MAPK8IP3: variants seen among roughly 807,000 people sequenced by gnomAD.
MAPK8IP3 encodes the protein C-Jun-amino-terminal kinase-interacting protein 3.
Under a neutral mutation model 157.8 loss-of-function variants are expected in MAPK8IP3, and 49 were observed. That is an observed-to-expected ratio of 0.31 (90% CI 0.25 to 0.39). MAPK8IP3 has a LOEUF of 0.39. Ranked by LOEUF, MAPK8IP3 falls within the 10% of genes least tolerant of loss-of-function variation. The pLI, the probability that MAPK8IP3 is intolerant of heterozygous loss-of-function variation, is 1.00. For synonymous variants in MAPK8IP3, 897 were observed against 777.7 expected (o/e 1.15, Z -2.55); for missense variants, 1,478 against 1,889.4 (o/e 0.78, Z 4.04).
Position 1,724,472 on chromosome 16 carries a change from C to T in MAPK8IP3, c.319-85C>T. On this transcript the variant is annotated intron_variant, in intron 1 of 31. Transcript: ENST00000610761. The surrounding 1 kb of genome is among the most constrained non-coding windows in gnomAD (Gnocchi z 4.1). Reference sequence around the variant, plus strand: ...TGGGGACATCTTTGGCCCCTGGGCCCTCAAAGCCTGCGGCCCTTCAAGTGA... The same window carrying T: ...TGGGGACATCTTTGGCCCCTGGGCCTTCAAAGCCTGCGGCCCTTCAAGTGA... The T allele has an allele frequency of 1.9e-6, 3 of 1,539,470 alleles. No homozygotes were observed. The South Asian group carries it at 3.5e-5, about 18-fold the overall frequency.
intron 2 of MAPK8IP3, among the ~76,000 whole-genome samples, chr16:1,727,394 A>G (rs1029278273): frequency 6.6e-6 from 1 of 151,728 alleles, no homozygotes; most frequent in African/African-American, 2.4e-5. Context: ...TGTGTTAGTC[A>G]CATTTGCTGC....
At chr16:1,729,037 C>A (rs1383424679) in intron 2 of MAPK8IP3, 101 bp from the exon 3 acceptor site, 33 of 1,173,712 alleles carry the variant, frequency 2.8e-5, no homozygotes, top group Non-Finnish European at 3.9e-5. Flanking sequence ...CCCAGAGTCC[C>A]AGCCTTGTCC....
chr16:1,729,599 T>A, intron 4 of MAPK8IP3, 21 bp downstream of exon 4: 1 of 1,563,070 alleles, frequency 6.4e-7, no homozygotes, highest in Non-Finnish European at 8.7e-7. Context: ...CGCGGCGGGG[T>A]GGAGGTACGC....
rs753574457 is a variant in MAPK8IP3, at chr16:1,766,341, C to T, written c.2751C>T (p.Pro917=). 8 of 1,612,670 alleles carry T rather than the reference C, an allele frequency of 5.0e-6. No homozygotes were observed. Among genetic ancestry groups the T allele is most frequent in the South Asian group, 1.1e-5 (1 of 91,086 alleles). Residue 917 remains proline, a synonymous_variant, in exon 22 of 32, where the codon CCC becomes CCT. Coordinates refer to ENST00000610761, the MANE Select transcript of MAPK8IP3 (RefSeq NM_001318852.2). ...AGCCAGAGACAGCCACATTGCGGCC[C>T]GGGCCTCTCACAGAGCACGTCTTCA... is the stretch of plus-strand genomic sequence containing the variant. The part of the protein sequence containing the change: ...PSEPETATLR[P]GPLTEHVFTD...
intron 8 of MAPK8IP3, among the ~76,000 whole-genome samples, chr16:1,753,535 G>A (rs1174546641): frequency 3.3e-5 from 5 of 151,918 alleles, no homozygotes; most frequent in Non-Finnish European, 5.9e-5. Context: ...CCGCCTCCTG[G>A]GTTCACGCCA....
rs572782898 is a variant in MAPK8IP3 at position 1,738,768 on chromosome 16, C to T, written c.603-4564C>T. ...ATCTGTGACCGTCCGTGTGAGCGTC[C>T]GTGTGAGCGTGTGAGCGTCCGTGTG... On this transcript the variant is annotated intron_variant, in intron 4 of 31. Coordinates refer to ENST00000610761, the MANE Select transcript of MAPK8IP3 (RefSeq NM_001318852.2). Among the ~76,000 whole-genome samples the T allele has an allele frequency of 2.5e-3, 260 of 105,154 alleles. 1 individual carries two copies. The highest frequency in any genetic ancestry group is 8.9e-3 in the Middle Eastern group (1 of 112). The allele number at this position is 105,154 out of a possible 152,430, so 69.0% of individuals were successfully genotyped here.
intron 1 of MAPK8IP3, among the ~76,000 whole-genome samples, chr16:1,717,087 G>T (rs1219135940): frequency 6.6e-6 from 1 of 151,506 alleles, no homozygotes. Flanking sequence ...AATTAGCCAG[G>T]TGTGGTGGTG....
chr16:1,738,802 CA>C (rs1199905422), intron 4 of MAPK8IP3, among the ~76,000 whole-genome samples: 2 of 124,678 alleles, frequency 1.6e-5, no homozygotes, highest in Admixed American at 8.7e-5. Context: ...TGAGTGTGAC[CA>C]CCCATGTGAG....
chr16:1,758,271 T>G, intron 9 of MAPK8IP3, 112 bp downstream of exon 9: 1 of 1,264,278 alleles, frequency 7.9e-7, no homozygotes, highest in South Asian at 1.3e-5. Flanking sequence ...GCCCCCCACG[T>G]CGCCGCAGCG....
At chr16:1,744,761 ACCT>A in intron 5 of MAPK8IP3, 7 of 985,250 alleles carry the variant, frequency 7.1e-6, no homozygotes, top group Non-Finnish European at 8.4e-6. Flanking sequence ...CTTTCCTTTC[ACCT>A]CCTGCGTTGT....
Position 1,762,863 on chromosome 16 carries a change from C to T in MAPK8IP3, c.1755C>T (p.Ser585=). ...TCAGCCGCCTCTTCAGCTCTTCCTC[C>T]AGCCCCCCTCCGGCCAAGCGCCCCT... ...QFFSRLFSSS[S]SPPPAKRPYP... is the part of the protein sequence containing the mutation. The change falls in exon 16 of 32, where the codon TCC becomes TCT. Residue 585 remains serine, a synonymous_variant. Transcript: ENST00000610761. 1 of 1,613,144 alleles carries T rather than the reference C, an allele frequency of 6.2e-7. No homozygotes were observed. Among genetic ancestry groups the T allele is most frequent in the Non-Finnish European group, 8.5e-7 (1 of 1,179,858 alleles).
At chr16:1,763,840 A>C in intron 17 of MAPK8IP3, 57 bp downstream of exon 17, 4 of 93,326 alleles carry the variant, frequency 4.3e-5, no homozygotes, top group South Asian at 1.6e-4. Context: ...GGCGGGGGTA[A>C]GGGGCGGGGC....
intron 4 of MAPK8IP3, among the ~76,000 whole-genome samples, chr16:1,735,995 C>G (rs532014033): frequency 2.4e-5 from 3 of 126,376 alleles, no homozygotes; most frequent in South Asian, 3.0e-4. Context: ...TGTGAGCATC[C>G]GTGTGACCGT....
intron 4 of MAPK8IP3, among the ~76,000 whole-genome samples, chr16:1,738,192 G>A (rs2040204469): frequency 9.8e-6 from 1 of 102,546 alleles, no homozygotes. Context: ...GTCCGTGAGC[G>A]TGTGACCGTC....
Position 1,743,443 on chromosome 16 carries a change from C to T in MAPK8IP3, c.714C>T (p.Asp238=). Residue 238 remains aspartate, a synonymous_variant, in exon 5 of 32, where the codon GAC becomes GAT. Transcript: ENST00000610761. This position sits in a 1 kb window ranked among gnomAD's most constrained non-coding sequence, Gnocchi z 5.6. ...CGGGGGACCACTGGCACCTGAGTGA[C>T]CTCGGCCAGCTGCAGTCCAGCTCCA... The part of the protein sequence containing the change: ...VPAGDHWHLS[D]LGQLQSSSSY... 1.2e-6 allele frequency: 2 copies of T among 1,610,276 alleles called. No individual in the cohort carries two copies. The highest frequency in any genetic ancestry group is 2.2e-5 in the South Asian group (2 of 90,686).
chr16:1,743,666 T>C lies in MAPK8IP3; in HGVS notation c.747+190T>C. The C allele has an allele frequency of 7.1e-7, 1 of 1,418,436 alleles. No homozygotes were observed. The highest frequency in any genetic ancestry group is 9.1e-7 in the Non-Finnish European group (1 of 1,094,922). 87.9% of individuals were successfully genotyped at this position (1,418,436 alleles called of 1,614,324 possible). ...GGCTCAGGCTGCCCAGCAGGCCCTG[T>C]GTGGCTGTGGCTGTTCCACGCGGCC... On this transcript the variant is annotated intron_variant, in intron 5 of 31. Transcript: ENST00000610761. This position sits in a 1 kb window ranked among gnomAD's most constrained non-coding sequence, Gnocchi z 5.6.
chr16:1,750,512 C>G (rs1049497055), intron 8 of MAPK8IP3, among the ~76,000 whole-genome samples: 1 of 151,580 alleles, frequency 6.6e-6, no homozygotes. Flanking sequence ...CATGCCCGGC[C>G]GATAATGTAT....
rs547626668 is a variant in MAPK8IP3 at position 1,768,915 on chromosome 16, G to C, written c.*91G>C. The stretch of plus-strand genomic sequence containing the variant: ...GCGGGGTAGCCAGCCAGGCGCCGCC[G>C]CCCCTCTTCTAACCTCTCAACCTGC... On this transcript the variant is annotated 3_prime_UTR_variant, in exon 32 of 32. Coordinates refer to ENST00000610761, the MANE Select transcript of MAPK8IP3 (RefSeq NM_001318852.2). 2.7e-6 allele frequency: 4 copies of C among 1,464,938 alleles called. No homozygotes were observed. In the East Asian group the frequency reaches 9.4e-5, roughly 34 times the overall value. 90.7% of individuals were successfully genotyped at this position (1,464,938 alleles called of 1,614,324 possible).
chr16:1,769,195 C>A lies in MAPK8IP3; in HGVS notation c.*371C>A. On this transcript the variant is annotated 3_prime_UTR_variant, in exon 32 of 32. Coordinates refer to ENST00000610761, the MANE Select transcript of MAPK8IP3 (RefSeq NM_001318852.2). ...CCAGCACCCCTGGAGGAGGCAGGGG[C>A]TCCCCGCCGCCGAGGCTGCCTGCCC... The A allele has an allele frequency of 4.0e-6, 1 of 252,348 alleles. No homozygotes were observed. Among genetic ancestry groups the A allele is most frequent in the Non-Finnish European group, 7.8e-6 (1 of 128,230 alleles). The allele number at this position is 252,348 out of a possible 1,614,324, so 15.6% of individuals were successfully genotyped here. A position where few individuals can be genotyped will look rare whatever the true frequency, so the allele number is the denominator to read the frequency against.
Sources: gnomAD v4.1 joint callset for allele counts (sites outside exome capture counted in the v4.1 genomes callset) on GRCh38, gnomAD v4.1.1 for gene constraint, Gnocchi (gnomAD v3.1) non-coding constraint, MANE v1.5 for transcripts, NCBI Gene and HGNC (gene_info 2026-07-23, HGNC 2026-07-21) for gene names.